Variants in ADCY7 observed in about 807,000 individuals in gnomAD.
ADCY7 encodes adenylate cyclase 7.
Under a neutral mutation model 120.6 loss-of-function variants are expected in ADCY7, and 72 were observed. That is an observed-to-expected ratio of 0.60 (90% CI 0.49 to 0.73). The LOEUF (loss-of-function observed/expected upper bound fraction) is 0.73, where lower values mean the gene tolerates loss of function less well. ADCY7 is among the 30% of genes least tolerant of loss of function. ADCY7 has a pLI of 0.00. For synonymous variants in ADCY7, 661 were observed against 628.0 expected, an observed-to-expected ratio of 1.05 and a Z score of -0.78; for missense variants, 1,227 against 1,486.0, an observed-to-expected ratio of 0.83 and a Z score of 2.87.
intron 22 of ADCY7, chr16:50,313,373 C>T (rs542248521): frequency 7.4e-6 from 2 of 268,964 alleles, no homozygotes; most frequent in Admixed American, 4.8e-5. Context: ...GCTGGGATCA[C>T]GCCACTGCAC....
intron 7 of ADCY7, among the ~76,000 whole-genome samples, chr16:50,295,258 A>G (rs2035269718): frequency 6.6e-6 from 1 of 151,326 alleles, no homozygotes; most frequent in Non-Finnish European, 1.5e-5. Flanking sequence ...TGCTCACTGC[A>G]GCCTCGACCT....
intron 1 of ADCY7, among the ~76,000 whole-genome samples, chr16:50,246,521 C>T (rs545537758): frequency 5.4e-4 from 82 of 152,332 alleles, no homozygotes; most frequent in African/African-American, 1.9e-3. Flanking sequence ...GGCCGCCCGG[C>T]CCCAGACCCC....
intron 1 of ADCY7, among the ~76,000 whole-genome samples, chr16:50,246,678 G>C (rs2032598462): frequency 6.6e-6 from 1 of 152,234 alleles, no homozygotes; most frequent in African/African-American, 2.4e-5. Context: ...GGAGCCAGCA[G>C]CGAGCAGGAC....
intron 10 of ADCY7, among the ~76,000 whole-genome samples, chr16:50,302,463 A>G (rs1481386171): frequency 1.3e-5 from 2 of 152,156 alleles, no homozygotes; most frequent in Non-Finnish European, 2.9e-5. Flanking sequence ...GCCTGGGCCG[A>G]CTTGAATTTC....
At chr16:50,298,236 C>A (rs1335710656) in intron 7 of ADCY7, among the ~76,000 whole-genome samples, 1 of 152,238 alleles carries the variant, frequency 6.6e-6, no homozygotes, top group South Asian at 2.1e-4. Flanking sequence ...TCTGTCCTCA[C>A]CCCCCACTCC....
At chr16:50,290,162 C>T (rs915643157) in intron 2 of ADCY7, among the ~76,000 whole-genome samples, 1 of 152,182 alleles carries the variant, frequency 6.6e-6, no homozygotes, top group Non-Finnish European at 1.5e-5. Flanking sequence ...CGGCTGTGCA[C>T]AGAGCACCGT....
At chr16:50,278,679 C>G (rs111517943) in intron 1 of ADCY7, among the ~76,000 whole-genome samples, 12 of 152,258 alleles carry the variant, frequency 7.9e-5, no homozygotes, top group South Asian at 4.1e-4. Context: ...GTTTCTTGCT[C>G]TCTTTGGAAA....
intron 1 of ADCY7, among the ~76,000 whole-genome samples, chr16:50,272,409 G>A (rs973355044): frequency 3.9e-5 from 6 of 152,194 alleles, no homozygotes; most frequent in Admixed American, 3.3e-4. Context: ...TAGTCACACT[G>A]CCTCGGGCGC....
At chr16:50,248,399 G>C (rs1236334274) in intron 1 of ADCY7, among the ~76,000 whole-genome samples, 5 of 152,252 alleles carry the variant, frequency 3.3e-5, no homozygotes. Flanking sequence ...GGGGTGGCCT[G>C]TGTCTGGGCA....
chr16:50,307,208 A>G (rs1329444006), intron 15 of ADCY7, 61 bp downstream of exon 15: 30 of 1,511,798 alleles, frequency 2.0e-5, no homozygotes, highest in Middle Eastern at 3.4e-4. Context: ...GAAGGTGACT[A>G]TGAACCTGCA....
chr16:50,294,549 C>G, intron 6 of ADCY7, 91 bp from the exon 7 acceptor site: 1 of 837,668 alleles, frequency 1.2e-6, no homozygotes, highest in Non-Finnish European at 1.9e-6. Context: ...GCCTGGCAGG[C>G]TCCTGGGGCT....
At chr16:50,307,177 G>C in intron 15 of ADCY7, 30 bp downstream of exon 15, 1 of 1,590,798 alleles carries the variant, frequency 6.3e-7, no homozygotes, top group South Asian at 1.1e-5. Context: ...GTGGGGGTCC[G>C]GCCTGCTGGG....
In ADCY7 at chr16:50,310,896, TC is replaced by T; in HGVS notation, c.2354+20del. On this transcript the variant is annotated intron_variant, in intron 19 of 25. Transcript: ENST00000673801. Reference sequence around the variant, plus strand: ...GCACCACCAGGTGGGGTCCCGCCCGTCCCCGTCCCCATCCCCATGGTGGCCT... The same window carrying T: ...GCACCACCAGGTGGGGTCCCGCCCGTCCCGTCCCCATCCCCATGGTGGCCT... 1 of 1,566,946 alleles carries T rather than the reference TC, an allele frequency of 6.4e-7. No individual in the cohort carries two copies. The highest frequency in any genetic ancestry group is 8.6e-7 in the Non-Finnish European group (1 of 1,158,354).
intron 1 of ADCY7, among the ~76,000 whole-genome samples, chr16:50,278,868 CT>C (rs1237118641): frequency 7.3e-5 from 8 of 108,888 alleles, no homozygotes; most frequent in Non-Finnish European, 1.3e-4. Flanking sequence ...ATCTCTCTCT[CT>C]CTCTCTTTTT....
intron 1 of ADCY7, among the ~76,000 whole-genome samples, chr16:50,273,012 C>G (rs1211578956): frequency 6.6e-6 from 1 of 152,166 alleles, no homozygotes; most frequent in East Asian, 1.9e-4. Flanking sequence ...GGCATGGGTA[C>G]AAGAGCAGAG....
At chr16:50,301,476 T>G (rs1394307207) in intron 10 of ADCY7, among the ~76,000 whole-genome samples, 3 of 152,226 alleles carry the variant, frequency 2.0e-5, no homozygotes, top group African/African-American at 7.2e-5. Context: ...GCCTTCACAG[T>G]GCGCCTGGCA....
upstream of ADCY7, among the ~76,000 whole-genome samples, chr16:50,245,608 T>C (rs1314600562): frequency 6.6e-6 from 1 of 152,032 alleles, no homozygotes; most frequent in Non-Finnish European, 1.5e-5. Flanking sequence ...GTGGTCGCTG[T>C]CATCTCCCGC....
At chr16:50,305,649 T>G (rs961085319) in intron 13 of ADCY7, 63 bp downstream of exon 13, 13 of 1,528,628 alleles carry the variant, frequency 8.5e-6, no homozygotes, top group Admixed American at 5.1e-5. Flanking sequence ...GTCCCCTATA[T>G]GGGCAGGCCC....
chr16:50,249,708 C>T (rs1414848372), intron 1 of ADCY7, among the ~76,000 whole-genome samples: 7 of 152,268 alleles, frequency 4.6e-5, no homozygotes, highest in African/African-American at 1.7e-4. Flanking sequence ...GGAGGCTCCT[C>T]TGCAGGTAAG....
Sources: gnomAD v4.1 joint callset for allele counts (sites outside exome capture counted in the v4.1 genomes callset) on GRCh38, gnomAD v4.1.1 for gene constraint, MANE v1.5 for transcripts, NCBI Gene and HGNC (gene_info 2026-07-23, HGNC 2026-07-21) for gene names.